Variants in RUNDC3B observed in about 807,000 individuals in gnomAD.
RUNDC3B encodes RUN domain-containing protein 3B.
Under a neutral mutation model 58.4 loss-of-function variants are expected in RUNDC3B, and 33 were observed. That is an observed-to-expected ratio of 0.56 (90% CI 0.43 to 0.75). The LOEUF (loss-of-function observed/expected upper bound fraction) is 0.75, where lower values mean the gene tolerates loss of function less well. Ranked by LOEUF, RUNDC3B falls within the 30% of genes least tolerant of loss-of-function variation. RUNDC3B has a pLI of 0.00. For missense variants in RUNDC3B, 501 were observed against 535.7 expected (o/e 0.94, Z 0.64); for synonymous variants, 193 against 195.2 (o/e 0.99, Z 0.10).
At chr7:87,656,889 A>G (rs1393768657) in intron 2 of RUNDC3B, among the ~76,000 whole-genome samples, 2 of 152,138 alleles carry the variant, frequency 1.3e-5, no homozygotes, top group Non-Finnish European at 2.9e-5. Flanking sequence ...ATTCAATTGT[A>G]TTTATTGAGT....
chr7:87,805,255 CAACTT>C (rs201243352), intron 8 of RUNDC3B, among the ~76,000 whole-genome samples: 2,059 of 152,262 alleles, frequency 0.014, 46 homozygotes, highest in African/African-American at 0.047. Flanking sequence ...ATGAGGTTCT[CAACTT>C]AACTTAATTC....
At chr7:87,727,141 A>G (rs1009610112) in intron 4 of RUNDC3B, among the ~76,000 whole-genome samples, 2 of 152,198 alleles carry the variant, frequency 1.3e-5, no homozygotes, top group Admixed American at 6.5e-5. Flanking sequence ...AGGAGTGGTG[A>G]GAGAGGGCAT....
chr7:87,715,778 C>T (rs1438654162), intron 4 of RUNDC3B, among the ~76,000 whole-genome samples: 1 of 151,580 alleles, frequency 6.6e-6, no homozygotes, highest in Non-Finnish European at 1.5e-5. Context: ...TGCAACAATT[C>T]CAGTGAGAGA....
chr7:87,732,346 T>C (rs1831632485), intron 4 of RUNDC3B, among the ~76,000 whole-genome samples: 1 of 151,822 alleles, frequency 6.6e-6, no homozygotes, highest in African/African-American at 2.4e-5. Flanking sequence ...CTTAAAGAAC[T>C]AGAAAAGAAA....
intron 8 of RUNDC3B, among the ~76,000 whole-genome samples, chr7:87,801,106 G>GAA (rs1478411200): frequency 6.6e-6 from 1 of 152,188 alleles, no homozygotes; most frequent in African/African-American, 2.4e-5. Context: ...TTGCTTCTGA[G>GAA]AAAGTTGTGG....
intron 8 of RUNDC3B, among the ~76,000 whole-genome samples, chr7:87,789,976 A>G (rs1005658668): frequency 1.5e-4 from 23 of 152,206 alleles, no homozygotes; most frequent in African/African-American, 5.5e-4. Context: ...GGAAGGACAC[A>G]AGCCTGGCTG....
intron 2 of RUNDC3B, among the ~76,000 whole-genome samples, chr7:87,662,035 G>T (rs1824762714): frequency 6.6e-6 from 1 of 152,036 alleles, no homozygotes; most frequent in South Asian, 2.1e-4. Context: ...ATACCTGTTT[G>T]CCATTTATAG....
chr7:87,818,300 GTTAC>G (rs1837192334), intron 10 of RUNDC3B, among the ~76,000 whole-genome samples: 1 of 152,066 alleles, frequency 6.6e-6, no homozygotes, highest in Admixed American at 6.6e-5. Flanking sequence ...CAGATTAAAA[GTTAC>G]TTACAGAGTT....
At chr7:87,743,766 G>T (rs932754963) in intron 6 of RUNDC3B, among the ~76,000 whole-genome samples, 1 of 151,986 alleles carries the variant, frequency 6.6e-6, no homozygotes, top group Non-Finnish European at 1.5e-5. Context: ...TCTGTGGGTT[G>T]TCTTACTCTG....
rs1822166417 is a variant in RUNDC3B at position 87,639,122 on chromosome 7, C to A, written c.122+10177C>A. On this transcript the variant is annotated intron_variant, in intron 1 of 10. Coordinates refer to ENST00000394654, the MANE Select transcript of RUNDC3B (RefSeq NM_001134405.2). ...AGAAGAGACGGCACACCACTGCACTCCAGCCTGGGCGACAGAGTGAGACTC... is the reference window on the plus strand; with the variant it reads ...AGAAGAGACGGCACACCACTGCACTACAGCCTGGGCGACAGAGTGAGACTC... 2.1e-5 allele frequency among the ~76,000 whole-genome samples: 3 copies of A among 142,060 alleles called. No homozygotes were observed. The South Asian group carries it at 6.6e-4, about 31-fold the overall frequency. The allele number at this position is 142,060 out of a possible 152,430, so 93.2% of individuals were successfully genotyped here.
intron 6 of RUNDC3B, among the ~76,000 whole-genome samples, chr7:87,758,495 A>G (rs546606447): frequency 6.6e-6 from 1 of 152,336 alleles, no homozygotes; most frequent in East Asian, 1.9e-4. Context: ...CAAGTTGAAA[A>G]GCTTCTGCAC....
intron 8 of RUNDC3B, among the ~76,000 whole-genome samples, chr7:87,783,195 G>A (rs765274146): frequency 1.3e-4 from 20 of 151,776 alleles, no homozygotes; most frequent in Admixed American, 3.9e-4. Context: ...GTGTGTGTGT[G>A]TATATGACAG....
chr7:87,809,593 A>G (rs1836604085), intron 9 of RUNDC3B, among the ~76,000 whole-genome samples: 1 of 152,210 alleles, frequency 6.6e-6, no homozygotes, highest in Admixed American at 6.5e-5. Context: ...TATACTCTAT[A>G]AAGTCTTATG....
chr7:87,743,994 T>G (rs1296241298), intron 6 of RUNDC3B, among the ~76,000 whole-genome samples: 1 of 152,198 alleles, frequency 6.6e-6, no homozygotes, highest in Non-Finnish European at 1.5e-5. Context: ...TTGTATAAGG[T>G]GAGAGATGAG....
At chr7:87,808,261 A>G (rs1836541605) in intron 9 of RUNDC3B, among the ~76,000 whole-genome samples, 1 of 143,122 alleles carries the variant, frequency 7.0e-6, no homozygotes, top group African/African-American at 2.6e-5. Context: ...CTTTTCTCGT[A>G]TTTTCTCTAG....
At chr7:87,751,262 A>G (rs1584100859) in intron 6 of RUNDC3B, among the ~76,000 whole-genome samples, 1 of 152,094 alleles carries the variant, frequency 6.6e-6, no homozygotes, top group Non-Finnish European at 1.5e-5. Flanking sequence ...TACCAGTACC[A>G]TGCTGTTTTG....
intron 6 of RUNDC3B, among the ~76,000 whole-genome samples, chr7:87,766,837 T>C (rs1834002536): frequency 6.6e-6 from 1 of 152,146 alleles, no homozygotes; most frequent in Non-Finnish European, 1.5e-5. Flanking sequence ...CAAATATTTT[T>C]TCCAAACATT....
intron 10 of RUNDC3B, among the ~76,000 whole-genome samples, chr7:87,821,617 A>G (rs900385454): frequency 3.3e-5 from 5 of 152,248 alleles, no homozygotes; most frequent in Non-Finnish European, 7.3e-5. Flanking sequence ...AGCCAGAGGC[A>G]TCACGCTACC....
intron 1 of RUNDC3B, among the ~76,000 whole-genome samples, chr7:87,629,899 G>T (rs1402525855): frequency 6.7e-6 from 1 of 149,544 alleles, no homozygotes; most frequent in Non-Finnish European, 1.5e-5. Flanking sequence ...CTCCAGCCGG[G>T]ACCACAGGGG....
Sources: allele counts gnomAD v4.1 joint callset (sites outside exome capture counted in the v4.1 genomes callset), GRCh38; gene constraint gnomAD v4.1.1; transcripts MANE v1.5; gene names NCBI Gene and HGNC (gene_info 2026-07-23, HGNC 2026-07-21).